The following CYP39A1 variants were observed in gnomAD, a reference collection of about 807,000 sequenced individuals.
The protein encoded by CYP39A1 is cytochrome P450 family 39 subfamily A member 1.
CYP39A1 carries 49 observed loss-of-function variants against 58.1 expected under a neutral mutation model. That is an observed-to-expected ratio of 0.84 (90% CI 0.67 to 1.07). The LOEUF (loss-of-function observed/expected upper bound fraction) is 1.07. Ranked by LOEUF, CYP39A1 falls within the 50% of genes least tolerant of loss-of-function variation. The pLI is 0.00. For missense variants in CYP39A1, 531 were observed against 539.4 expected, an observed-to-expected ratio of 0.98 and a Z score of 0.16; for synonymous variants, 209 against 187.6, an observed-to-expected ratio of 1.11 and a Z score of -0.93.
At chr6:46,616,163 T>TC (rs376056800) in intron 7 of CYP39A1, among the ~76,000 whole-genome samples, 3,172 of 6,194 alleles carry the variant, frequency 0.51, 1,145 homozygotes, top group Middle Eastern at 0.75. Flanking sequence ...TTTCTTTCTT[T>TC]TTTCTTTCTT....
At chr6:46,574,821 G>T (rs970406173) in intron 10 of CYP39A1, among the ~76,000 whole-genome samples, 3 of 151,882 alleles carry the variant, frequency 2.0e-5, no homozygotes, top group Non-Finnish European at 4.4e-5. Context: ...TTTGGTCTAA[G>T]TATCAAAAAT....
chr6:46,618,286 G>A (rs979771422), intron 7 of CYP39A1, among the ~76,000 whole-genome samples: 21 of 152,212 alleles, frequency 1.4e-4, no homozygotes, highest in African/African-American at 4.8e-4. Flanking sequence ...TTGATAACTT[G>A]AGTAAAGATA....
chr6:46,626,924 C>T (rs1017269943), intron 6 of CYP39A1, among the ~76,000 whole-genome samples: 15 of 152,116 alleles, frequency 9.9e-5, no homozygotes, highest in South Asian at 2.1e-4. Context: ...AGTCTGTTTT[C>T]ACACTTCTTT....
At chr6:46,638,269 A>T (rs1276370893) in intron 3 of CYP39A1, among the ~76,000 whole-genome samples, 1 of 152,224 alleles carries the variant, frequency 6.6e-6, no homozygotes, top group African/African-American at 2.4e-5. Flanking sequence ...GATCTAATAC[A>T]ATTCAACAAT....
intron 10 of CYP39A1, among the ~76,000 whole-genome samples, chr6:46,579,760 G>C (rs1026967038): frequency 1.4e-4 from 22 of 151,824 alleles, no homozygotes; most frequent in Admixed American, 1.4e-3. Context: ...ATTCACAACA[G>C]CCACCCACAT....
chr6:46,644,998 T>C (rs1481055980), intron 1 of CYP39A1, among the ~76,000 whole-genome samples: 1 of 152,198 alleles, frequency 6.6e-6, no homozygotes, highest in Non-Finnish European at 1.5e-5. Context: ...TTGTATTATA[T>C]TGTTGAGTGT....
chr6:46,642,987 C>A (rs980504179), intron 1 of CYP39A1, among the ~76,000 whole-genome samples: 2 of 152,156 alleles, frequency 1.3e-5, no homozygotes, highest in African/African-American at 4.8e-5. Flanking sequence ...AATGTCAACA[C>A]TTCTCCATTT....
chr6:46,626,134 T>C (rs1358691759), intron 6 of CYP39A1, among the ~76,000 whole-genome samples: 1 of 152,088 alleles, frequency 6.6e-6, no homozygotes, highest in East Asian at 1.9e-4. Context: ...TGCTATTGAA[T>C]ATAGTATATT....
intron 7 of CYP39A1, among the ~76,000 whole-genome samples, chr6:46,612,322 G>A (rs77511603): frequency 1.8e-3 from 281 of 152,280 alleles, no homozygotes; most frequent in African/African-American, 6.5e-3. Flanking sequence ...AGTCATTATG[G>A]CTAGGTTAGT....
intron 7 of CYP39A1, among the ~76,000 whole-genome samples, chr6:46,602,532 A>G (rs539947537): frequency 6.6e-6 from 1 of 151,842 alleles, no homozygotes; most frequent in East Asian, 2.0e-4. Context: ...ACAGTGCTGG[A>G]CTGGGCGTGG....
At chr6:46,604,586 G>A (rs1773725007) in intron 7 of CYP39A1, among the ~76,000 whole-genome samples, 1 of 152,204 alleles carries the variant, frequency 6.6e-6, no homozygotes, top group Non-Finnish European at 1.5e-5. Context: ...AGTGAGATGA[G>A]TGTCACAGCA....
chr6:46,603,793 T>C (rs560765046), intron 7 of CYP39A1, among the ~76,000 whole-genome samples: 1 of 152,372 alleles, frequency 6.6e-6, no homozygotes, highest in South Asian at 2.1e-4. Flanking sequence ...ATTTACTCTC[T>C]GCCTTATATA....
intron 1 of CYP39A1, among the ~76,000 whole-genome samples, chr6:46,642,916 T>C (rs1344620450): frequency 6.6e-6 from 1 of 152,176 alleles, no homozygotes; most frequent in Non-Finnish European, 1.5e-5. Flanking sequence ...GTATATACAT[T>C]TGCACCCATT....
intron 5 of CYP39A1, among the ~76,000 whole-genome samples, chr6:46,632,502 G>T (rs1312684727): frequency 6.6e-6 from 1 of 151,552 alleles, no homozygotes; most frequent in Non-Finnish European, 1.5e-5. Context: ...TACAGTTCAG[G>T]TTTGTTCTAT....
chr6:46,636,562 C>T (rs1776003433), intron 4 of CYP39A1, 80 bp from the exon 5 acceptor site: 1 of 846,056 alleles, frequency 1.2e-6, no homozygotes, highest in African/African-American at 1.8e-5. Flanking sequence ...AAAGGGATGT[C>T]TGTGGAATTA....
intron 7 of CYP39A1, among the ~76,000 whole-genome samples, chr6:46,603,301 C>T (rs1423544156): frequency 2.6e-5 from 4 of 152,188 alleles, no homozygotes; most frequent in Non-Finnish European, 5.9e-5. Context: ...AAGCAAATAG[C>T]TACAGATAGA....
chr6:46,637,879 A>C lies in CYP39A1; in HGVS notation c.588T>G (p.Val196=). The change falls in exon 4 of 12, where the codon GTT becomes GTG. Residue 196 remains valine (V), a synonymous_variant. Transcript: ENST00000275016. ...ACCCATACTCAAAATCTTCATCATA[A>C]ACTTGAAAATACTGATGGAACTCCT... ...KIKEFHQYFQ[V]YDEDFEYGSQ... is the part of the protein sequence containing the mutation. 1 of 1,612,998 alleles carries C rather than the reference A, an allele frequency of 6.2e-7. No homozygotes were observed. Among genetic ancestry groups the C allele is most frequent in the Non-Finnish European group, 8.5e-7 (1 of 1,179,788 alleles).
intron 5 of CYP39A1, among the ~76,000 whole-genome samples, chr6:46,633,833 G>A (rs973655936): frequency 2.0e-5 from 3 of 151,922 alleles, no homozygotes; most frequent in Non-Finnish European, 4.4e-5. Flanking sequence ...CTCCAGCCTG[G>A]GTGACAGAGC....
intron 7 of CYP39A1, among the ~76,000 whole-genome samples, chr6:46,599,501 T>C (rs1240133883): frequency 6.6e-6 from 1 of 151,970 alleles, no homozygotes; most frequent in Non-Finnish European, 1.5e-5. Context: ...TTCTTGGCGG[T>C]TTGGTAATGG....
Sources: allele counts gnomAD v4.1 joint callset (sites outside exome capture counted in the v4.1 genomes callset), GRCh38; gene constraint gnomAD v4.1.1; transcripts MANE v1.5; gene names NCBI Gene and HGNC (gene_info 2026-07-23, HGNC 2026-07-21).